Variants in TXNL4A observed in about 807,000 individuals in gnomAD.
TXNL4A encodes thioredoxin like 4A, also known as thioredoxin-like protein 4A.
TXNL4A carries 17 observed loss-of-function variants against 14.6 expected under a neutral mutation model. The ratio of observed to expected loss-of-function variants is 1.16; its 90% CI spans 0.80 to 1.74. TXNL4A has a LOEUF of 1.74. Among genes scored for constraint, TXNL4A ranks in the 40% most tolerant of loss-of-function variants. The pLI, the probability that TXNL4A is intolerant of heterozygous loss-of-function variation, is 0.00. For synonymous variants in TXNL4A, 83 were observed against 70.6 expected, an observed-to-expected ratio of 1.18 and a Z score of -0.88; for missense variants, 74 against 195.2, an observed-to-expected ratio of 0.38 and a Z score of 3.70.
intron 1 of TXNL4A, among the ~76,000 whole-genome samples, chr18:79,995,917 A>G (rs1215629854): frequency 6.6e-6 from 1 of 151,962 alleles, no homozygotes; most frequent in Non-Finnish European, 1.5e-5. Flanking sequence ...CTTGGCTAAC[A>G]TGGTGAAACC....
chr18:79,996,118 A>AAC (rs2051660348), intron 1 of TXNL4A, among the ~76,000 whole-genome samples: 2 of 150,830 alleles, frequency 1.3e-5, no homozygotes, highest in Admixed American at 6.6e-5. Context: ...AAAAAAAAAA[A>AAC]AAAAAAAAAC....
chr18:80,005,639 G>A (rs1381025863), intron 1 of TXNL4A, among the ~76,000 whole-genome samples: 3 of 152,228 alleles, frequency 2.0e-5, no homozygotes, highest in East Asian at 1.9e-4. Context: ...TGTTGGCAGG[G>A]CACAGTGGCT....
chr18:80,002,542 T>C (rs868362010), intron 1 of TXNL4A, among the ~76,000 whole-genome samples: 1 of 152,216 alleles, frequency 6.6e-6, no homozygotes, highest in African/African-American at 2.4e-5. Context: ...AATCTGGTAT[T>C]GAGATTGCCA....
At chr18:80,018,630 G>T (rs544474045) in intron 1 of TXNL4A, among the ~76,000 whole-genome samples, 1 of 152,026 alleles carries the variant, frequency 6.6e-6, no homozygotes, top group African/African-American at 2.4e-5. Context: ...TCAAAAAGAC[G>T]CAATAAAAAT....
intron 1 of TXNL4A, 86 bp downstream of exon 1, chr18:79,988,154 C>T: frequency 7.6e-7 from 1 of 1,317,344 alleles, no homozygotes; most frequent in South Asian, 2.2e-5. Context: ...GGGAACAGCT[C>T]GCGCCCCCAG....
intron 1 of TXNL4A, among the ~76,000 whole-genome samples, chr18:79,986,428 C>T (rs1038987903): frequency 1.5e-5 from 2 of 137,076 alleles, no homozygotes; most frequent in African/African-American, 5.0e-5. Context: ...AAAAATCAGA[C>T]TATTTTAAAA....
At chr18:79,974,826 A>G (rs1475414256) in intron 2 of TXNL4A, among the ~76,000 whole-genome samples, 1 of 152,176 alleles carries the variant, frequency 6.6e-6, no homozygotes, top group Non-Finnish European at 1.5e-5. Flanking sequence ...GCCGGACTCA[A>G]ACCCCTAGCT....
chr18:80,021,017 T>G (rs143673371), intron 1 of TXNL4A, among the ~76,000 whole-genome samples: 12 of 152,248 alleles, frequency 7.9e-5, no homozygotes, highest in Middle Eastern at 6.8e-3. Context: ...ACCCCCTCAG[T>G]TGGGGCACAG....
At chr18:79,985,393 C>T (rs2051531934) in intron 1 of TXNL4A, among the ~76,000 whole-genome samples, 1 of 152,140 alleles carries the variant, frequency 6.6e-6, no homozygotes, top group African/African-American at 2.4e-5. Context: ...GTTGGGACCA[C>T]AGGCACATGC....
At chr18:80,009,658 G>T (rs2051756995) in intron 1 of TXNL4A, among the ~76,000 whole-genome samples, 1 of 152,214 alleles carries the variant, frequency 6.6e-6, no homozygotes. Context: ...GAGCAAGAAT[G>T]AAAGGAAGTG....
upstream of TXNL4A, among the ~76,000 whole-genome samples, chr18:79,993,274 A>C (rs1452864215): frequency 3.9e-5 from 6 of 151,964 alleles, no homozygotes; most frequent in African/African-American, 1.5e-4. This position sits in a 1 kb window ranked among gnomAD's most constrained non-coding sequence, Gnocchi z 4.4. Context: ...GGGATCCCTG[A>C]TCTTCCAGTG....
intron 1 of TXNL4A, among the ~76,000 whole-genome samples, chr18:79,987,487 TTTA>T (rs1207810854): frequency 6.6e-6 from 1 of 152,214 alleles, no homozygotes; most frequent in Non-Finnish European, 1.5e-5. Flanking sequence ...TGGCAAATAT[TTTA>T]TTAACACCCT....
At chr18:79,984,135 C>G (rs1354090785) in intron 1 of TXNL4A, among the ~76,000 whole-genome samples, 4 of 152,160 alleles carry the variant, frequency 2.6e-5, no homozygotes, top group Non-Finnish European at 5.9e-5. Context: ...CCAAAAATAT[C>G]CATTCTGTTT....
rs376244206 is a variant in TXNL4A, at chr18:79,985,888, T to C, written c.153+2352A>G. 9.2e-5 allele frequency: 14 copies of C among 152,368 alleles called. No homozygotes were observed. The East Asian group carries it at 9.6e-4, about 10-fold the overall frequency. 9.4% of individuals were successfully genotyped at this position (152,368 alleles called of 1,614,324 possible). A position where few individuals can be genotyped will look rare whatever the true frequency, so the allele number is the denominator to read the frequency against. On this transcript the variant is annotated intron_variant, in intron 1 of 2. Transcript: ENST00000269601. ...ATTTCTGCACAGGGAAATTTTTAAA[T>C]AGTTATATTGTTCTTTATACTAAAA...
chr18:79,998,555 G>A (rs1437616418), intron 1 of TXNL4A, among the ~76,000 whole-genome samples: 1 of 149,536 alleles, frequency 6.7e-6, no homozygotes, highest in Non-Finnish European at 1.5e-5. Flanking sequence ...ATCATCAGAG[G>A]CCTATAGGCT....
At chr18:80,024,149 G>A (rs189823235) in intron 1 of TXNL4A, among the ~76,000 whole-genome samples, 106 of 151,314 alleles carry the variant, frequency 7.0e-4, no homozygotes, top group African/African-American at 2.5e-3. Context: ...ATCTTCCAAT[G>A]TTTCTCAGCT....
upstream of TXNL4A, among the ~76,000 whole-genome samples, chr18:79,993,414 T>C (rs994584522): frequency 6.6e-6 from 1 of 152,226 alleles, no homozygotes; most frequent in Non-Finnish European, 1.5e-5. This position sits in a 1 kb window ranked among gnomAD's most constrained non-coding sequence, Gnocchi z 4.4. Flanking sequence ...AGAGCACTTT[T>C]CAGCTTGGGC....
At chr18:79,987,900 T>TCCG (rs1404551728) in intron 1 of TXNL4A, among the ~76,000 whole-genome samples, 1 of 152,254 alleles carries the variant, frequency 6.6e-6, no homozygotes, top group Non-Finnish European at 1.5e-5. Context: ...AAATTAAGGA[T>TCCG]CCGCGCTCTC....
chr18:79,980,764 C>G (rs979478079), intron 1 of TXNL4A, among the ~76,000 whole-genome samples: 2 of 152,078 alleles, frequency 1.3e-5, no homozygotes, highest in African/African-American at 2.4e-5. Context: ...AGCACACGGC[C>G]CACTGCAGGA....
Sources: gnomAD v4.1 joint callset for allele counts (sites outside exome capture counted in the v4.1 genomes callset) on GRCh38, gnomAD v4.1.1 for gene constraint, Gnocchi (gnomAD v3.1) non-coding constraint, MANE v1.5 for transcripts, NCBI Gene and HGNC (gene_info 2026-07-23, HGNC 2026-07-21) for gene names.